RAB21: variants seen among roughly 807,000 people sequenced by gnomAD.
RAB21 encodes the protein RAB21, member RAS oncogene family.
In RAB21, 13 loss-of-function variants were observed where a neutral mutation model predicts 33.1. That is an observed-to-expected ratio of 0.39 (90% CI 0.26 to 0.62). The LOEUF (loss-of-function observed/expected upper bound fraction) is 0.62, where lower values mean the gene tolerates loss of function less well. Among genes scored for constraint, RAB21 ranks in the 20% least tolerant of loss-of-function variants. RAB21 has a pLI of 0.48. For synonymous variants in RAB21, 91 were observed against 103.7 expected (o/e 0.88, Z 0.74); for missense variants, 234 against 279.1 (o/e 0.84, Z 1.15).
rs1334990994 is a variant in RAB21, at chr12:71,782,570, G to A, written c.447G>A (p.Ser149=). The change falls in exon 6 of 7, where the codon TCG becomes TCA. Residue 149 remains serine (S), a splice_region_variant and synonymous_variant. Coordinates refer to ENST00000261263, the MANE Select transcript of RAB21 (RefSeq NM_014999.4). ...ATCACCGATGTTACTTTTTTTTAAGGTATGCAGAATCTGTGGGAGCAAAAC... is the reference window on the plus strand; with the variant it reads ...ATCACCGATGTTACTTTTTTTTAAGATATGCAGAATCTGTGGGAGCAAAAC... ...ERHVSIQEAE[S]YAESVGAKHY... 6.4e-7 allele frequency: 1 copy of A among 1,572,652 alleles called. No individual in the cohort carries two copies. Among genetic ancestry groups the A allele is most frequent in the Admixed American group, 1.8e-5 (1 of 54,248 alleles).
intron 1 of RAB21, among the ~76,000 whole-genome samples, chr12:71,766,522 A>G (rs540493383): frequency 6.6e-6 from 1 of 152,158 alleles, no homozygotes; most frequent in Non-Finnish European, 1.5e-5. Flanking sequence ...CTCTTAGAAC[A>G]CTGCCCATTT....
In RAB21 at chr12:71,767,821, G is replaced by C. The variant is rs577884238; in HGVS notation, c.160-1979G>C. On this transcript the variant is annotated intron_variant, in intron 1 of 6. Transcript: ENST00000261263. ...TTTCTTACATGTGTTTGAAAAAGAG[G>C]CACTTAAATTGACCTATCCATTAAA... 3.9e-5 allele frequency among the ~76,000 whole-genome samples: 6 copies of C among 152,262 alleles called. No homozygotes were observed. In the South Asian group the frequency reaches 1.2e-3, roughly 32 times the overall value.
Position 71,791,555 on chromosome 12 carries a change from T to G in RAB21, c.*5882T>G, listed in dbSNP as rs1883385200. 6.6e-6 allele frequency: 1 copy of G among 152,178 alleles called. No homozygotes were observed. Among genetic ancestry groups the G allele is most frequent in the African/African-American group, 2.4e-5 (1 of 41,426 alleles). 9.4% of individuals were successfully genotyped at this position (152,178 alleles called of 1,614,324 possible). A position where few individuals can be genotyped will look rare whatever the true frequency, so the allele number is the denominator to read the frequency against. ...AGTACAAGATAAACTAAAACAAGTC[T>G]TTATACAACTCTGACAGCAACTCCC... On this transcript the variant is annotated 3_prime_UTR_variant, in exon 7 of 7. Coordinates refer to ENST00000261263, the MANE Select transcript of RAB21 (RefSeq NM_014999.4).
intron 1 of RAB21, 118 bp from the exon 2 acceptor site, chr12:71,769,682 G>A (rs982299678): frequency 2.6e-5 from 12 of 455,092 alleles, no homozygotes; most frequent in African/African-American, 2.4e-4. Context: ...TTAAAACTCG[G>A]TGATTACTTT....
chr12:71,788,770 A>G lies in RAB21; in HGVS notation c.*3097A>G, dbSNP rs779290718. On this transcript the variant is annotated 3_prime_UTR_variant, in exon 7 of 7. Transcript: ENST00000261263. ...TACCTGAATATTATGTTAAAAGTAT[A>G]CAATCATTGTTTCTGTAATGATGAT... The G allele has an allele frequency of 5.9e-5, 9 of 152,184 alleles. No homozygotes were observed. Among genetic ancestry groups the G allele is most frequent in the Non-Finnish European group, 1.2e-4 (8 of 68,008 alleles). 9.4% of individuals were successfully genotyped at this position (152,184 alleles called of 1,614,324 possible). A position where few individuals can be genotyped will look rare whatever the true frequency, so the allele number is the denominator to read the frequency against.
In RAB21 at chr12:71,779,446, C is replaced by G. The variant is rs1883166698; in HGVS notation, c.392-2585C>G. On this transcript the variant is annotated intron_variant, in intron 4 of 6. Coordinates refer to ENST00000261263, the MANE Select transcript of RAB21 (RefSeq NM_014999.4). ...TCCAACCTGAGTGACAGAGCAAGAC[C>G]CTGTCTCAAAAAAAGGTAAAACAAA... is the stretch of plus-strand genomic sequence containing the variant. Among the ~76,000 whole-genome samples, 3 of 152,070 alleles carry G rather than the reference C, an allele frequency of 2.0e-5. 1 individual carries two copies. Among genetic ancestry groups the G allele is most frequent in the South Asian group, 4.1e-4 (2 of 4,822 alleles).
At chr12:71,781,032 A>G (rs1264038596) in intron 4 of RAB21, among the ~76,000 whole-genome samples, 1 of 151,972 alleles carries the variant, frequency 6.6e-6, no homozygotes, top group Non-Finnish European at 1.5e-5. Flanking sequence ...CAGTTTCTTC[A>G]TTTTTGTTCT....
chr12:71,763,250 G>A (rs1471703864), intron 1 of RAB21, among the ~76,000 whole-genome samples: 1 of 151,140 alleles, frequency 6.6e-6, no homozygotes, highest in Non-Finnish European at 1.5e-5. Flanking sequence ...TTACTATGTT[G>A]CTTTCAACAG....
intron 4 of RAB21, among the ~76,000 whole-genome samples, chr12:71,778,505 C>G (rs997814708): frequency 1.3e-5 from 2 of 152,056 alleles, no homozygotes; most frequent in African/African-American, 4.8e-5. Context: ...AGAAGTAGAC[C>G]TGGGATTTTA....
At chr12:71,781,772 C>T (rs1883204882) in intron 4 of RAB21, among the ~76,000 whole-genome samples, 1 of 152,106 alleles carries the variant, frequency 6.6e-6, no homozygotes, top group Non-Finnish European at 1.5e-5. Flanking sequence ...GAGTGCCTGT[C>T]TCTTTGGAAA....
chr12:71,764,831 C>G (rs1882935209), intron 1 of RAB21, among the ~76,000 whole-genome samples: 1 of 152,110 alleles, frequency 6.6e-6, no homozygotes, highest in Non-Finnish European at 1.5e-5. Context: ...CGTATATATA[C>G]CGCATATTCT....
At chr12:71,771,317 A>G (rs1883038908) in intron 3 of RAB21, among the ~76,000 whole-genome samples, 1 of 152,216 alleles carries the variant, frequency 6.6e-6, no homozygotes, top group Non-Finnish European at 1.5e-5. Context: ...CAGATGGGTT[A>G]CTTATTTGAC....
Position 71,785,705 on chromosome 12 carries a change from CA to C in RAB21, c.*36del. 1.2e-6 allele frequency: 2 copies of C among 1,611,956 alleles called. No individual in the cohort carries two copies. The highest frequency in any genetic ancestry group is 1.7e-6 in the Non-Finnish European group (2 of 1,178,452). On this transcript the variant is annotated 3_prime_UTR_variant, in exon 7 of 7. Transcript: ENST00000261263. ...ACGCCTAAGAAATTAAAAGACAGAACAAAACTGTGGATCATTGCCCTCAACA... is the reference window on the plus strand; with the variant it reads ...ACGCCTAAGAAATTAAAAGACAGAACAAACTGTGGATCATTGCCCTCAACA...
In RAB21 at chr12:71,799,053, C is replaced by CTATCGTTCAGCTTCCTGAA. The variant is rs1251108642; in HGVS notation, c.*13384_*13402dup. 1 of 152,302 alleles carries CTATCGTTCAGCTTCCTGAA rather than the reference C, an allele frequency of 6.6e-6. No individual in the cohort carries two copies. Among genetic ancestry groups the CTATCGTTCAGCTTCCTGAA allele is most frequent in the Admixed American group, 6.5e-5 (1 of 15,286 alleles). The allele number at this position is 152,302 out of a possible 1,614,324, so 9.4% of individuals were successfully genotyped here. ...TTTCCATGCAGCAGTGATCAAGTGT[C>CTATCGTTCAGCTTCCTGAA]TATCGTTCAGCTTCCTGAATATGGA... On this transcript the variant is annotated 3_prime_UTR_variant, in exon 7 of 7. Transcript: ENST00000261263.
rs1384019221 is a variant in RAB21, at chr12:71,789,383, A to G, written c.*3710A>G. On this transcript the variant is annotated 3_prime_UTR_variant, in exon 7 of 7. Transcript: ENST00000261263. ...GATAGTTGATCTTACATATTCAGAT[A>G]GTATAGTTTACTCTTATAATTACCC... 1 of 152,132 alleles carries G rather than the reference A, an allele frequency of 6.6e-6. No homozygotes were observed. The highest frequency in any genetic ancestry group is 2.1e-4 in the South Asian group (1 of 4,836). The allele number at this position is 152,132 out of a possible 1,614,324, so 9.4% of individuals were successfully genotyped here.
rs1412271966 is a variant in RAB21 at position 71,789,437 on chromosome 12, C to G, written c.*3764C>G. On this transcript the variant is annotated 3_prime_UTR_variant, in exon 7 of 7. Coordinates refer to ENST00000261263, the MANE Select transcript of RAB21 (RefSeq NM_014999.4). Reference sequence around the variant, plus strand: ...ACGTTATCTCTAAAAGTAGTTTGATCTGTGCCTTTAACTTTTAGAATTCAT... The same window carrying G: ...ACGTTATCTCTAAAAGTAGTTTGATGTGTGCCTTTAACTTTTAGAATTCAT... The G allele has an allele frequency of 6.6e-6, 1 of 152,064 alleles. No homozygotes were observed. Among genetic ancestry groups the G allele is most frequent in the Non-Finnish European group, 1.5e-5 (1 of 67,936 alleles). The allele number at this position is 152,064 out of a possible 1,614,324, so 9.4% of individuals were successfully genotyped here.
intron 5 of RAB21, 57 bp downstream of exon 5, chr12:71,782,142 A>G: frequency 6.7e-7 from 1 of 1,484,660 alleles, no homozygotes; most frequent in South Asian, 1.2e-5. Flanking sequence ...CTTCCTCTTT[A>G]TACGTTTTGC....
chr12:71,760,429 CTT>C (rs989031197), intron 1 of RAB21, among the ~76,000 whole-genome samples: 1 of 152,150 alleles, frequency 6.6e-6, no homozygotes, highest in African/African-American at 2.4e-5. Flanking sequence ...CTTTGATAAA[CTT>C]GGGAAAAATA....
rs1882756572 is a variant in RAB21, at chr12:71,754,933, CGTG to C, written c.-192_-190del. ...TCTTCGCTTTTCCTCCGGTGCCTGA[CGTG>C]GTGGGCTGGGGCCCTTCATTCTCGG... On this transcript the variant is annotated 5_prime_UTR_variant, in exon 1 of 7. Transcript: ENST00000261263. The C allele has an allele frequency of 3.5e-6, 1 of 284,192 alleles. No individual in the cohort carries two copies. Among genetic ancestry groups the C allele is most frequent in the African/African-American group, 2.3e-5 (1 of 43,936 alleles). 17.6% of individuals were successfully genotyped at this position (284,192 alleles called of 1,614,324 possible).
Sources: gnomAD v4.1 joint callset for allele counts (sites outside exome capture counted in the v4.1 genomes callset) on GRCh38, gnomAD v4.1.1 for gene constraint, MANE v1.5 for transcripts, NCBI Gene and HGNC (gene_info 2026-07-23, HGNC 2026-07-21) for gene names.